The following DNAAF1 variants were observed in gnomAD, a reference collection of about 807,000 sequenced individuals.
The protein encoded by DNAAF1 is dynein assembly factor 1, axonemal.
DNAAF1 carries 65 observed loss-of-function variants against 71.1 expected under a neutral mutation model. That is an observed-to-expected ratio of 0.91 (90% confidence interval 0.75 to 1.12). The LOEUF (loss-of-function observed/expected upper bound fraction) is 1.12, where lower values mean the gene tolerates loss of function less well. Ranked by LOEUF, DNAAF1 falls within the 50% of genes most tolerant of loss-of-function variation. The pLI is 0.00. For missense variants in DNAAF1, 1,178 were observed against 899.8 expected (o/e 1.31, Z -3.96); for synonymous variants, 414 against 354.6 (o/e 1.17, Z -1.88).
intron 7 of DNAAF1, among the ~76,000 whole-genome samples, chr16:84,167,887 C>G (rs1003595224): frequency 9.2e-5 from 14 of 152,006 alleles, no homozygotes; most frequent in Non-Finnish European, 2.9e-5. Flanking sequence ...CGTGGTGGCA[C>G]AAGCCTATAA....
chr16:84,166,144 C>T (rs2087975383), intron 7 of DNAAF1, 195 bp downstream of exon 7: 12 of 729,936 alleles, frequency 1.6e-5, no homozygotes, highest in Non-Finnish European at 2.6e-5. Flanking sequence ...ACTTCTGTCT[C>T]CCGGGTTCAA....
chr16:84,162,617 G>A (rs2087766977), intron 6 of DNAAF1, among the ~76,000 whole-genome samples: 1 of 151,958 alleles, frequency 6.6e-6, no homozygotes, highest in African/African-American at 2.4e-5. Flanking sequence ...TCAAGAGATT[G>A]AGACCATCCT....
At position 84,170,191 on chromosome 16, in the gene DNAAF1, G is replaced by T; in HGVS notation, c.1363G>T (p.Val455Phe). 6.2e-7 allele frequency: 1 copy of T among 1,611,928 alleles called. No homozygotes were observed. The part of the protein sequence containing the change: ...EAPPPPPPVE[V>F]KGEDGDQEPE... ...CCCACCACCCCCGCCACCTGTGGAG[G>T]TTAAAGGAGAGGATGGAGATCAAGA... is the stretch of plus-strand genomic sequence containing the variant. The change falls in exon 8 of 12, where the codon GTT becomes TTT. Residue 455 changes from valine to phenylalanine, a missense_variant. Val to Phe is a conservative substitution (Grantham distance 50). Coordinates refer to ENST00000378553, the MANE Select transcript of DNAAF1 (RefSeq NM_178452.6).
In DNAAF1 at chr16:84,145,540, G is replaced by A. The variant is rs1410955894; in HGVS notation, c.100G>A (p.Ala34Thr). Residue 34 changes from alanine to threonine, a missense_variant, in exon 1 of 12, where the codon GCA (alanine) becomes ACA (threonine). Ala to Thr is a moderately conservative substitution (Grantham distance 58, BLOSUM62 0). Coordinates refer to ENST00000378553, the MANE Select transcript of DNAAF1 (RefSeq NM_178452.6). Reference protein sequence around the residue: ...VEESAGDHGSAGRGGCKEEIN... With the variant: ...VEESAGDHGSTGRGGCKEEIN... ...GGAGTCTGCGGGTGACCACGGGAGC[G>A]CAGGCCGAGGGGGCTGCAAGGAAGG... 1.6e-5 allele frequency: 25 copies of A among 1,550,852 alleles called. No individual in the cohort carries two copies. Among genetic ancestry groups the A allele is most frequent in the East Asian group, 2.4e-5 (1 of 41,464 alleles).
At chr16:84,155,132 T>A (rs567986553) in intron 4 of DNAAF1, among the ~76,000 whole-genome samples, 3 of 152,256 alleles carry the variant, frequency 2.0e-5, no homozygotes, top group South Asian at 2.1e-4. Context: ...ATGGTCTCGA[T>A]CTCCTGACCT....
chr16:84,154,770 C>T lies in DNAAF1; in HGVS notation c.546C>T (p.Asn182=). ...AACTGGATGCTCTTAACCTCAGCAA[C>T]AATTACATCAAGACCATTGAAAACC... ...LQKLDALNLS[N]NYIKTIENLS... is the part of the protein sequence containing the mutation. Residue 182 remains asparagine (N), a synonymous_variant, in exon 4 of 12, where the codon AAC becomes AAT. Transcript: ENST00000378553. 6.2e-7 allele frequency: 1 copy of T among 1,614,128 alleles called. No individual in the cohort carries two copies. Among genetic ancestry groups the T allele is most frequent in the Non-Finnish European group, 8.5e-7 (1 of 1,179,984 alleles).
At chr16:84,175,191 G>C (rs2088587839) in intron 10 of DNAAF1, 1 of 225,162 alleles carries the variant, frequency 4.4e-6, no homozygotes, top group African/African-American at 2.3e-5. Context: ...TGAAGGAAAT[G>C]CCATTTGTTC....
At chr16:84,147,707 C>T (rs1052209749) in intron 1 of DNAAF1, among the ~76,000 whole-genome samples, 6 of 151,408 alleles carry the variant, frequency 4.0e-5, no homozygotes, top group African/African-American at 1.5e-4. Context: ...AAATGAGTAA[C>T]ATTTTATCAT....
intron 1 of DNAAF1, among the ~76,000 whole-genome samples, chr16:84,146,372 T>G (rs2086908590): frequency 6.6e-6 from 1 of 152,140 alleles, no homozygotes; most frequent in African/African-American, 2.4e-5. Context: ...GACTTGGTTC[T>G]GGGGTCAGTG....
chr16:84,158,148 C>T (rs1014674514), intron 5 of DNAAF1, among the ~76,000 whole-genome samples: 4 of 151,898 alleles, frequency 2.6e-5, no homozygotes, highest in African/African-American at 7.3e-5. Flanking sequence ...GAGCTTGCAG[C>T]GACCCGAGAT....
At chr16:84,174,555 T>C in intron 9 of DNAAF1, 114 bp from the exon 10 acceptor site, 2 of 1,595,246 alleles carry the variant, frequency 1.3e-6, no homozygotes, top group Non-Finnish European at 1.7e-6. Context: ...CCTGAGTGAT[T>C]TGAGTAACTG....
chr16:84,173,262 G>C, intron 9 of DNAAF1: 1 of 860,394 alleles, frequency 1.2e-6, no homozygotes, highest in South Asian at 5.3e-5. Flanking sequence ...AGGAGATCGA[G>C]ACCATCCTGG....
chr16:84,176,274 C>T lies in DNAAF1; in HGVS notation c.2040C>T (p.Ser680=), dbSNP rs753229144. 28 of 1,613,434 alleles carry T rather than the reference C, an allele frequency of 1.7e-5. No individual in the cohort carries two copies. In the East Asian group the frequency reaches 2.9e-4, roughly 17 times the overall value. ...APLTSSGDRD[S]DFLAASSPVP... is the part of the protein sequence containing the mutation. ...TCACTTCCAGTGGAGACAGGGACAG[C>T]GACTTCCTTGCAGCCTCTTCTCCGG... The change falls in exon 11 of 12, where the codon AGC becomes AGT. Residue 680 remains serine (S), a synonymous_variant. Coordinates refer to ENST00000378553, the MANE Select transcript of DNAAF1 (RefSeq NM_178452.6).
chr16:84,146,694 A>G (rs916154158), intron 1 of DNAAF1, among the ~76,000 whole-genome samples: 18 of 152,148 alleles, frequency 1.2e-4, no homozygotes, highest in African/African-American at 4.1e-4. Context: ...GCAGTGAGCC[A>G]AGATCACACC....
At position 84,145,401 on chromosome 16, in the gene DNAAF1, C is replaced by T. The variant is rs754817465; in HGVS notation, c.-40C>T. On this transcript the variant is annotated 5_prime_UTR_variant, in exon 1 of 12. Coordinates refer to ENST00000378553, the MANE Select transcript of DNAAF1 (RefSeq NM_178452.6). ...AGCGACGTCCGCCGCGAACCTGGGC[C>T]CCCCAAAGCTGCGGGGCGTTCGGTG... The T allele has an allele frequency of 3.2e-6, 5 of 1,567,856 alleles. No individual in the cohort carries two copies. Among genetic ancestry groups the T allele is most frequent in the Admixed American group, 1.9e-5 (1 of 52,378 alleles).
rs1015399409 is a variant in DNAAF1, at chr16:84,177,833, G to A, written c.2170G>A (p.Ala724Thr). 3.9e-5 allele frequency: 63 copies of A among 1,613,390 alleles called. No homozygotes were observed. Among genetic ancestry groups the A allele is most frequent in the Non-Finnish European group, 5.1e-5 (60 of 1,179,506 alleles). ...WDLTAFPAPK[A>T]S ...CCTCACTGCATTCCCAGCACCGAAA[G>A]CATCATAGTTTTCCCCAGTTATATG... Residue 724 changes from alanine to threonine, a missense_variant, in exon 12 of 12, where the codon GCA (alanine) becomes ACA (threonine). Physicochemically the swap from Ala to Thr is moderately conservative, Grantham distance 58. Coordinates refer to ENST00000378553, the MANE Select transcript of DNAAF1 (RefSeq NM_178452.6).
At position 84,149,122 on chromosome 16, in the gene DNAAF1, CAG is replaced by C. The variant is rs761836563; in HGVS notation, c.241_242del (p.Arg81GlyfsTer9). The C allele has an allele frequency of 2.5e-6, 4 of 1,614,060 alleles. No individual in the cohort carries two copies. The South Asian group carries it at 3.3e-5, about 13-fold the overall frequency. On this transcript the variant is annotated frameshift_variant, in exon 2 of 12. Transcript: ENST00000378553. LOFTEE classifies it high-confidence loss of function. The part of the protein sequence containing the change: ...GGHFAHPRED[R>X]EDRGPRMTKS... ...GTCACTTCGCACACCCAAGAGAAGA[CAG>C]GGAAGATCGGGGCCCCAGGTATGTG...
intron 6 of DNAAF1, among the ~76,000 whole-genome samples, chr16:84,160,936 CAA>C (rs994477404): frequency 3.0e-4 from 20 of 67,450 alleles, no homozygotes; most frequent in Admixed American, 3.5e-4. Context: ...GACTCCGTCT[CAA>C]AAAAAAAAAA....
At chr16:84,170,436 C>G (rs1037290101) in intron 8 of DNAAF1, 80 bp downstream of exon 8, 2 of 1,601,314 alleles carry the variant, frequency 1.2e-6, no homozygotes, top group Non-Finnish European at 1.7e-6. Context: ...TCTGTGGGAC[C>G]TGGGGCCTGA....
Sources: gnomAD v4.1 joint callset for allele counts (sites outside exome capture counted in the v4.1 genomes callset) on GRCh38, gnomAD v4.1.1 for gene constraint, MANE v1.5 for transcripts, NCBI Gene and HGNC (gene_info 2026-07-23, HGNC 2026-07-21) for gene names.